The following RASA3 variants were observed in gnomAD, a reference collection of about 807,000 sequenced individuals.
The protein encoded by RASA3 is ras GTPase-activating protein 3.
A neutral mutation model predicts 110.0 loss-of-function variants in RASA3; 73 were observed. That is an observed-to-expected ratio of 0.66 (90% CI 0.55 to 0.81). The LOEUF (loss-of-function observed/expected upper bound fraction) is 0.81, where lower values mean the gene tolerates loss of function less well. Among genes scored for constraint, RASA3 ranks in the 30% least tolerant of loss-of-function variants. RASA3 has a pLI of 0.00. For missense variants in RASA3, 976 were observed against 1,113.2 expected (o/e 0.88, Z 1.75); for synonymous variants, 500 against 451.4 (o/e 1.11, Z -1.37).
At chr13:114,124,451 C>T (rs550254392) in intron 1 of RASA3, among the ~76,000 whole-genome samples, 2 of 152,352 alleles carry the variant, frequency 1.3e-5, no homozygotes, top group East Asian at 1.9e-4. Flanking sequence ...GATCCAGGCC[C>T]GACGAGGGCG....
chr13:114,060,312 G>A (rs986821869), intron 2 of RASA3, among the ~76,000 whole-genome samples: 2 of 152,190 alleles, frequency 1.3e-5, no homozygotes, highest in Non-Finnish European at 2.9e-5. Flanking sequence ...ATGCAGGCCC[G>A]TGCAAGACAC....
chr13:114,000,853 G>C lies in RASA3; in HGVS notation c.1822C>G (p.His608Asp). The C allele has an allele frequency of 6.2e-7, 1 of 1,613,188 alleles. No individual in the cohort carries two copies. Reference sequence around the variant, plus strand: ...TTGCTTTTGTGGTAGGTAAATTCATGGTTGGTCAAGCGAAACCATCTCTTC... The same window carrying C: ...TTGCTTTTGTGGTAGGTAAATTCATCGTTGGTCAAGCGAAACCATCTCTTC... ...FKKRWFRLTN[H>D]EFTYHKSKGD... Residue 608 changes from histidine to aspartate, a missense_variant, in exon 19 of 24, where the codon CAT becomes GAT. Around this residue, in one of 4 missense-constraint regions of RASA3, gnomAD observed 109 missense variants for 162.5 expected, o/e 0.67. Transcript: ENST00000334062.
At chr13:114,123,376 C>A (rs1381176245) in intron 1 of RASA3, among the ~76,000 whole-genome samples, 1 of 152,216 alleles carries the variant, frequency 6.6e-6, no homozygotes, top group African/African-American at 2.4e-5. Flanking sequence ...TCAGAAGGAA[C>A]ACAGCTAAAG....
intron 1 of RASA3, among the ~76,000 whole-genome samples, chr13:114,075,049 T>C (rs531074498): frequency 1.4e-4 from 22 of 152,308 alleles, no homozygotes; most frequent in Non-Finnish European, 3.1e-4. Flanking sequence ...TAAAGACGCC[T>C]GGCAGTGGCG....
chr13:114,024,947 C>T lies in RASA3; in HGVS notation c.604-592G>A, dbSNP rs141523702. Among the ~76,000 whole-genome samples the T allele has an allele frequency of 5.8e-3, 876 of 152,256 alleles. 1 individual carries two copies. Among genetic ancestry groups the T allele is most frequent in the African/African-American group, 0.017 (699 of 41,552 alleles). On this transcript the variant is annotated intron_variant, in intron 7 of 23. Coordinates refer to ENST00000334062, the MANE Select transcript of RASA3 (RefSeq NM_007368.4). ...GAAACGGAGTGAAGGCGTGAAGGGT[C>T]GAGGCTCCGGGACCGCCCCCCGCCA...
At chr13:114,129,056 C>T (rs1248486407) in intron 1 of RASA3, among the ~76,000 whole-genome samples, 3 of 152,192 alleles carry the variant, frequency 2.0e-5, no homozygotes, top group Non-Finnish European at 2.9e-5. Flanking sequence ...GACATCACTG[C>T]GAGGGGAGGA....
At chr13:113,989,784 A>C (rs1335206485) in intron 22 of RASA3, among the ~76,000 whole-genome samples, 1 of 152,216 alleles carries the variant, frequency 6.6e-6, no homozygotes, top group African/African-American at 2.4e-5. Flanking sequence ...TCTGTCCAGC[A>C]CACCCATCCA....
Position 114,048,914 on chromosome 13 carries a change from G to A in RASA3, c.277+3138C>T, listed in dbSNP as rs2079099356. On this transcript the variant is annotated intron_variant, in intron 3 of 23. Transcript: ENST00000334062. This position sits in a 1 kb window ranked among gnomAD's most constrained non-coding sequence, Gnocchi z 4.3. ...TGAGGGCAGGCCTTTATTTCCCCAA[G>A]TCTCACTTGCCGGGGCGCCGTATCC... Among the ~76,000 whole-genome samples, 1 of 152,092 alleles carries A rather than the reference G, an allele frequency of 6.6e-6. No individual in the cohort carries two copies. Among genetic ancestry groups the A allele is most frequent in the Admixed American group, 6.5e-5 (1 of 15,278 alleles).
At chr13:114,079,017 T>C (rs2079737997) in intron 1 of RASA3, among the ~76,000 whole-genome samples, 1 of 152,262 alleles carries the variant, frequency 6.6e-6, no homozygotes, top group Non-Finnish European at 1.5e-5. Context: ...CCTCATGTAC[T>C]GCTCAACACA....
At chr13:113,992,002 CTCACACATGT>C in intron 22 of RASA3, among the ~76,000 whole-genome samples, 1 of 152,098 alleles carries the variant, frequency 6.6e-6, no homozygotes, top group East Asian at 1.9e-4. Flanking sequence ...TTCACACATG[CTCACACATGT>C]CCACATTCAC....
chr13:113,980,447 ATG>A (rs1375899533), intron 23 of RASA3, among the ~76,000 whole-genome samples: 5 of 93,170 alleles, frequency 5.4e-5, no homozygotes, highest in Admixed American at 3.7e-4. Context: ...ACCTCCTGCC[ATG>A]TGTGTGCACC....
At chr13:113,998,494 G>A (rs559451463) in intron 20 of RASA3, among the ~76,000 whole-genome samples, 6 of 152,336 alleles carry the variant, frequency 3.9e-5, no homozygotes, top group African/African-American at 1.4e-4. Flanking sequence ...TGCTGCAGTC[G>A]GGGCACAGAA....
At chr13:114,077,448 C>G (rs937749872) in intron 1 of RASA3, among the ~76,000 whole-genome samples, 1 of 144,956 alleles carries the variant, frequency 6.9e-6, no homozygotes, top group Non-Finnish European at 1.5e-5. Context: ...ACACTGGCAC[C>G]AACACACCGG....
At position 114,117,364 on chromosome 13, in the gene RASA3, TGCACGTGTGTGAGGGGA is replaced by T. The variant is rs1372697940; in HGVS notation, c.55+15054_55+15070del. 7.9e-3 allele frequency among the ~76,000 whole-genome samples: 1,030 copies of T among 129,742 alleles called. 21 individuals are homozygous for T. The highest frequency in any genetic ancestry group is 0.029 in the African/African-American group (976 of 33,136). 85.1% of individuals were successfully genotyped at this position (129,742 alleles called of 152,430 possible). A position where few individuals can be genotyped will look rare whatever the true frequency, so the allele number is the denominator to read the frequency against. ...GTGAGGAGAGCACGTGTGTGAGGGG[TGCACGTGTGTGAGGGGA>T]GCACGTGTGTGAGGGGAGCACGTCT... On this transcript the variant is annotated intron_variant, in intron 1 of 23. Coordinates refer to ENST00000334062, the MANE Select transcript of RASA3 (RefSeq NM_007368.4).
intron 1 of RASA3, among the ~76,000 whole-genome samples, chr13:114,094,211 T>C (rs1432157801): frequency 6.6e-6 from 1 of 152,210 alleles, no homozygotes; most frequent in Non-Finnish European, 1.5e-5. Context: ...TATGAGCAGG[T>C]TACCTTCAAT....
rs1248553343 is a variant in RASA3, at chr13:114,119,051, A to AC, written c.55+13383dup. 3.4e-4 allele frequency among the ~76,000 whole-genome samples: 34 copies of AC among 100,458 alleles called. 1 individual carries two copies. Among genetic ancestry groups the AC allele is most frequent in the African/African-American group, 3.9e-4 (9 of 23,164 alleles). 65.9% of individuals were successfully genotyped at this position (100,458 alleles called of 152,430 possible). A position where few individuals can be genotyped will look rare whatever the true frequency, so the allele number is the denominator to read the frequency against. ...ATTGGCTGCCTGCCCCTCCCTCTCCACCCCCCGCTTTCCTCCTGACCCACC... is the reference window on the plus strand; with the variant it reads ...ATTGGCTGCCTGCCCCTCCCTCTCCACCCCCCCGCTTTCCTCCTGACCCACC... On this transcript the variant is annotated intron_variant, in intron 1 of 23. Coordinates refer to ENST00000334062, the MANE Select transcript of RASA3 (RefSeq NM_007368.4).
intron 3 of RASA3, among the ~76,000 whole-genome samples, chr13:114,042,404 A>G (rs965208419): frequency 4.6e-5 from 7 of 152,256 alleles, no homozygotes; most frequent in African/African-American, 1.4e-4. Context: ...TGAGCCCATC[A>G]CAGAGCACAC....
intron 4 of RASA3, among the ~76,000 whole-genome samples, chr13:114,034,087 C>T (rs943611088): frequency 1.3e-5 from 2 of 152,144 alleles, no homozygotes; most frequent in Non-Finnish European, 2.9e-5. Flanking sequence ...ACCAGCCGGG[C>T]AGTGGGCCTG....
chr13:114,055,832 T>C (rs2079235877), intron 2 of RASA3, among the ~76,000 whole-genome samples: 1 of 152,076 alleles, frequency 6.6e-6, no homozygotes, highest in Non-Finnish European at 1.5e-5. Flanking sequence ...CTGCGGTGCA[T>C]CTCACACAAG....
Sources: allele counts gnomAD v4.1 joint callset (sites outside exome capture counted in the v4.1 genomes callset), GRCh38; gene constraint gnomAD v4.1.1; regional missense constraint gnomAD v4.1.1; non-coding constraint Gnocchi (gnomAD v3.1); transcripts MANE v1.5; gene names NCBI Gene and HGNC (gene_info 2026-07-23, HGNC 2026-07-21).